The following IFT74 variants were observed in gnomAD, a reference collection of about 807,000 sequenced individuals.
The protein encoded by IFT74 is intraflagellar transport protein 74 homolog.
A neutral mutation model predicts 96.7 loss-of-function variants in IFT74; 92 were observed. The ratio of observed to expected loss-of-function variants is 0.95; its 90% CI spans 0.80 to 1.13. The LOEUF (loss-of-function observed/expected upper bound fraction) is 1.13. Among genes scored for constraint, IFT74 ranks in the 50% most tolerant of loss-of-function variants. The pLI is 0.00. For synonymous variants in IFT74, 223 were observed against 213.2 expected (o/e 1.05, Z -0.40); for missense variants, 811 against 698.2 (o/e 1.16, Z -1.82).
At chr9:27,013,149 A>C (rs1829188102) in intron 10 of IFT74, among the ~76,000 whole-genome samples, 1 of 152,132 alleles carries the variant, frequency 6.6e-6, no homozygotes, top group Non-Finnish European at 1.5e-5. Flanking sequence ...AAGAGTCCTA[A>C]ATCCCATCTT....
At chr9:26,998,299 C>G in intron 8 of IFT74, 1 of 1,055,596 alleles carries the variant, frequency 9.5e-7, no homozygotes. Context: ...AGAATTTCAC[C>G]AAATTTCATA....
intron 12 of IFT74, among the ~76,000 whole-genome samples, chr9:27,026,536 G>A (rs1284027682): frequency 6.6e-6 from 1 of 152,140 alleles, no homozygotes; most frequent in East Asian, 1.9e-4. Context: ...CTGTTCATCA[G>A]CACATGGGAC....
chr9:27,009,213 A>G (rs1828935094), intron 9 of IFT74, 55 bp downstream of exon 9: 2 of 1,486,354 alleles, frequency 1.3e-6, no homozygotes, highest in East Asian at 2.3e-5. Flanking sequence ...TACTAAAAGT[A>G]TAGTTTGAAT....
chr9:26,978,405 C>A (rs1827219850), intron 3 of IFT74, 142 bp downstream of exon 3: 4 of 754,378 alleles, frequency 5.3e-6, no homozygotes, highest in Non-Finnish European at 6.1e-6. Context: ...AGGATTATAG[C>A]ATGTAAGAAT....
intron 11 of IFT74, 53 bp from the exon 12 acceptor site, chr9:27,018,594 G>A: frequency 1.1e-6 from 1 of 929,418 alleles, no homozygotes; most frequent in Non-Finnish European, 1.7e-6. Context: ...CTTTAAGATA[G>A]CCTTACAATG....
At chr9:27,008,666 T>A (rs552636467) in intron 8 of IFT74, among the ~76,000 whole-genome samples, 6 of 152,134 alleles carry the variant, frequency 3.9e-5, no homozygotes, top group African/African-American at 1.4e-4. Context: ...AGCCTCTTAT[T>A]TGTCTTTTGA....
At chr9:26,960,663 G>A (rs1826314546) in intron 1 of IFT74, among the ~76,000 whole-genome samples, 1 of 152,178 alleles carries the variant, frequency 6.6e-6, no homozygotes, top group Non-Finnish European at 1.5e-5. Context: ...TAAACTGGGA[G>A]AGAATGAGTG....
chr9:27,004,724 G>A (rs559838008), intron 8 of IFT74, among the ~76,000 whole-genome samples: 2 of 152,142 alleles, frequency 1.3e-5, no homozygotes, highest in African/African-American at 4.8e-5. Context: ...AATGATAGTT[G>A]AGTTTCATAT....
chr9:27,000,788 A>G lies in IFT74; in HGVS notation c.588-8232A>G, dbSNP rs1341883299. ...AAACCACCGTGGCACATGTTTACCTATGTAACAAACCTGCATAACCTGCAC... is the reference window on the plus strand; with the variant it reads ...AAACCACCGTGGCACATGTTTACCTGTGTAACAAACCTGCATAACCTGCAC... On this transcript the variant is annotated intron_variant, in intron 8 of 19. Coordinates refer to ENST00000380062, the MANE Select transcript of IFT74 (RefSeq NM_025103.4). 5.9e-5 allele frequency among the ~76,000 whole-genome samples: 9 copies of G among 152,324 alleles called. No homozygotes were observed. The East Asian group carries it at 1.2e-3, about 20-fold the overall frequency.
intron 13 of IFT74, among the ~76,000 whole-genome samples, chr9:27,038,810 A>G (rs1414113641): frequency 6.6e-6 from 1 of 152,164 alleles, no homozygotes; most frequent in Non-Finnish European, 1.5e-5. Context: ...AACAGGTGCA[A>G]GTGTTAAAGG....
At chr9:26,956,135 A>G (rs1669729007), upstream of IFT74, 2 of 152,250 alleles carry the variant, frequency 1.3e-5, no homozygotes, top group South Asian at 2.1e-4. Flanking sequence ...ACCTAGGGAC[A>G]TAGCAAAACT....
At chr9:27,009,898 G>GTA (rs1448459744) in intron 9 of IFT74, among the ~76,000 whole-genome samples, 5 of 151,616 alleles carry the variant, frequency 3.3e-5, no homozygotes, top group African/African-American at 4.8e-5. Flanking sequence ...CGTATGCAAT[G>GTA]TATAATGATC....
Position 27,060,439 on chromosome 9 carries a change from A to T in IFT74, c.1624-152A>T, listed in dbSNP as rs370073701. ...TGTATTAATATATTTACTATTATTT[A>T]ATCTTTTTTTTTCTACCGTGGCTTT... is the stretch of plus-strand genomic sequence containing the variant. On this transcript the variant is annotated intron_variant, in intron 18 of 19. Transcript: ENST00000380062. 2.2e-4 allele frequency: 85 copies of T among 390,980 alleles called. 2 individuals carry two copies. In the East Asian group the frequency reaches 2.3e-3, roughly 10 times the overall value. The allele number at this position is 390,980 out of a possible 1,614,324, so 24.2% of individuals were successfully genotyped here. A position where few individuals can be genotyped will look rare whatever the true frequency, so the allele number is the denominator to read the frequency against.
chr9:26,957,095 C>A (rs1279536931), intron 1 of IFT74, among the ~76,000 whole-genome samples: 1 of 152,206 alleles, frequency 6.6e-6, no homozygotes, highest in Non-Finnish European at 1.5e-5. Flanking sequence ...TATCGCTAAT[C>A]ATTCTGGATC....
chr9:26,975,645 A>G (rs1057299979), intron 2 of IFT74, among the ~76,000 whole-genome samples: 10 of 152,154 alleles, frequency 6.6e-5, no homozygotes, highest in African/African-American at 2.4e-4. Flanking sequence ...GTCTAACTGA[A>G]ATAGGCCTTT....
chr9:26,999,691 T>G, intron 8 of IFT74: 1 of 1,606,838 alleles, frequency 6.2e-7, no homozygotes, highest in Non-Finnish European at 8.5e-7. Context: ...CCTGTGACTT[T>G]CATGTTGCAG....
intron 19 of IFT74, among the ~76,000 whole-genome samples, chr9:27,061,877 T>C (rs1294601605): frequency 6.6e-6 from 1 of 152,090 alleles, no homozygotes. Flanking sequence ...CTCATCTTAT[T>C]GTTTACTTTT....
At chr9:26,980,425 T>G in intron 3 of IFT74, 146 bp from the exon 4 acceptor site, 1 of 697,126 alleles carries the variant, frequency 1.4e-6, no homozygotes, top group East Asian at 2.7e-5. Context: ...AGTTCTCTTT[T>G]CAGTTTCAGT....
intron 13 of IFT74, chr9:27,036,899 T>A (rs1819228015): frequency 1.2e-6 from 1 of 844,312 alleles, no homozygotes; most frequent in South Asian, 5.4e-5. Flanking sequence ...GCAAAAAAAA[T>A]TATTGCTGTG....
Sources: allele counts gnomAD v4.1 joint callset (sites outside exome capture counted in the v4.1 genomes callset), GRCh38; gene constraint gnomAD v4.1.1; transcripts MANE v1.5; gene names NCBI Gene and HGNC (gene_info 2026-07-23, HGNC 2026-07-21).